Variants in NRXN3 observed in about 807,000 individuals in gnomAD.
NRXN3 encodes the protein neurexin III.
In NRXN3, 32 loss-of-function variants were observed where a neutral mutation model predicts 137.6. That is an observed-to-expected ratio of 0.23 (90% CI 0.18 to 0.31). The LOEUF (loss-of-function observed/expected upper bound fraction) is 0.31, where lower values mean the gene tolerates loss of function less well. Ranked by LOEUF, NRXN3 falls within the 10% of genes least tolerant of loss-of-function variation. The probability of loss-of-function intolerance (pLI) is 1.00; values close to 1 mark genes in which losing one functional copy is unlikely to be tolerated. For synonymous variants in NRXN3, 798 were observed against 784.5 expected, an observed-to-expected ratio of 1.02 and a Z score of -0.29; for missense variants, 1,574 against 2,062.5, an observed-to-expected ratio of 0.76 and a Z score of 4.59.
At chr14:78,409,971 T>C (rs143012907) in intron 4 of NRXN3, among the ~76,000 whole-genome samples, 1 of 152,330 alleles carries the variant, frequency 6.6e-6, no homozygotes, top group East Asian at 1.9e-4. Context: ...GTTCTCTTCT[T>C]TGAACTTAGT....
intron 15 of NRXN3, among the ~76,000 whole-genome samples, chr14:79,451,737 C>T (rs1412961843): frequency 1.3e-5 from 2 of 152,218 alleles, no homozygotes; most frequent in Non-Finnish European, 2.9e-5. Context: ...TGGCCCTTTG[C>T]ATTCTGCTGC....
At chr14:79,193,979 T>A (rs542709239) in intron 15 of NRXN3, among the ~76,000 whole-genome samples, 7 of 152,320 alleles carry the variant, frequency 4.6e-5, no homozygotes, top group Middle Eastern at 3.4e-3. Context: ...ATAATAGAAA[T>A]AACTATTTGA....
chr14:78,337,920 A>C (rs1055483622), intron 4 of NRXN3, among the ~76,000 whole-genome samples: 1 of 152,194 alleles, frequency 6.6e-6, no homozygotes, highest in African/African-American at 2.4e-5. Flanking sequence ...CCTGAGGGTC[A>C]TGACTGACTC....
intron 15 of NRXN3, among the ~76,000 whole-genome samples, chr14:79,160,362 C>T (rs1363705757): frequency 1.3e-5 from 2 of 151,938 alleles, no homozygotes; most frequent in Non-Finnish European, 2.9e-5. Context: ...TTAGTCCATT[C>T]TATGTAGTGC....
chr14:79,861,936 A>G lies in NRXN3; in HGVS notation c.4688A>G (p.Lys1563Arg), dbSNP rs2141966617. ...QSSKSGHKKQ[K>R]NKDREYYV ...TCGAAGAGCGGCCACAAGAAACAGAAAAACAAGGACAGGGAGTATTACGTG... is the reference window on the plus strand; with the variant it reads ...TCGAAGAGCGGCCACAAGAAACAGAGAAACAAGGACAGGGAGTATTACGTG... Residue 1563 changes from lysine to arginine, a missense_variant, in exon 21 of 21, where the codon AAA becomes AGA. By Grantham distance (26) the Lys-to-Arg change is conservative. Around this residue, in one of 5 missense-constraint regions of NRXN3, gnomAD observed 320 missense variants for 387.1 expected, o/e 0.83. Coordinates refer to ENST00000335750, the MANE Select transcript of NRXN3 (RefSeq NM_001330195.2). This position sits in a 1 kb window ranked among gnomAD's most constrained non-coding sequence, Gnocchi z 5.4. 1 of 1,613,618 alleles carries G rather than the reference A, an allele frequency of 6.2e-7. No individual in the cohort carries two copies. Among genetic ancestry groups the G allele is most frequent in the Middle Eastern group, 1.6e-4 (1 of 6,062 alleles).
intron 4 of NRXN3, among the ~76,000 whole-genome samples, chr14:78,538,045 A>T (rs987916049): frequency 5.9e-5 from 9 of 152,178 alleles, no homozygotes; most frequent in African/African-American, 9.7e-5. Flanking sequence ...AGGTAGCATG[A>T]TGCTTCCAGC....
At chr14:79,547,581 CA>C (rs2097332550) in intron 16 of NRXN3, among the ~76,000 whole-genome samples, 1 of 152,024 alleles carries the variant, frequency 6.6e-6, no homozygotes, top group Non-Finnish European at 1.5e-5. Context: ...CTCTTCTCTC[CA>C]AGGAATTTGG....
chr14:79,800,330 T>A (rs2099174073), intron 19 of NRXN3, among the ~76,000 whole-genome samples: 1 of 152,190 alleles, frequency 6.6e-6, no homozygotes, highest in Admixed American at 6.5e-5. Flanking sequence ...ACTACAAGTG[T>A]TTATACCCTT....
chr14:79,042,749 G>A (rs1202888831), intron 15 of NRXN3, among the ~76,000 whole-genome samples: 1 of 152,174 alleles, frequency 6.6e-6, no homozygotes, highest in African/African-American at 2.4e-5. Flanking sequence ...TTTGTGATGG[G>A]AGTAGCTAAC....
chr14:79,146,485 T>C (rs73326709), intron 15 of NRXN3, among the ~76,000 whole-genome samples: 1,738 of 152,074 alleles, frequency 0.011, 31 homozygotes, highest in African/African-American at 0.039. Context: ...AGTTATAATA[T>C]CTGATAAGAT....
intron 4 of NRXN3, among the ~76,000 whole-genome samples, chr14:78,560,037 TTGTC>T (rs1264134538): frequency 6.6e-6 from 1 of 152,200 alleles, no homozygotes; most frequent in Non-Finnish European, 1.5e-5. Context: ...CTGAAATAAA[TTGTC>T]TGATCTCTCG....
chr14:79,668,112 T>C (rs2098578277), intron 17 of NRXN3, among the ~76,000 whole-genome samples: 1 of 152,062 alleles, frequency 6.6e-6, no homozygotes, highest in Non-Finnish European at 1.5e-5. Flanking sequence ...GTCTTTAAAA[T>C]GCACACGGAT....
chr14:78,664,740 A>AAC (rs2097867758), intron 6 of NRXN3, among the ~76,000 whole-genome samples: 1 of 152,246 alleles, frequency 6.6e-6, no homozygotes, highest in Admixed American at 6.5e-5. Flanking sequence ...ATTGCACTTT[A>AAC]ACATGCACTG....
At chr14:78,791,800 C>G (rs968091440) in intron 8 of NRXN3, among the ~76,000 whole-genome samples, 1 of 152,148 alleles carries the variant, frequency 6.6e-6, no homozygotes, top group African/African-American at 2.4e-5. Flanking sequence ...TGAAGCTTAC[C>G]CATAGCCTTG....
intron 15 of NRXN3, among the ~76,000 whole-genome samples, chr14:79,290,168 A>G (rs1445100687): frequency 6.6e-6 from 1 of 152,186 alleles, no homozygotes; most frequent in Non-Finnish European, 1.5e-5. Context: ...TTTGCTACAT[A>G]AAAAACTAAT....
At chr14:79,436,188 A>G (rs1054796954) in intron 15 of NRXN3, among the ~76,000 whole-genome samples, 1 of 152,202 alleles carries the variant, frequency 6.6e-6, no homozygotes, top group African/African-American at 2.4e-5. Flanking sequence ...CCTTTATAAT[A>G]AAGACCATTT....
At position 78,646,470 on chromosome 14, in the gene NRXN3, A is replaced by G. The variant is rs117016496; in HGVS notation, c.1059+1049A>G. Among the ~76,000 whole-genome samples the G allele has an allele frequency of 4.9e-3, 743 of 152,286 alleles. 2 individuals are homozygous for G. Among genetic ancestry groups the G allele is most frequent in the Admixed American group, 6.3e-3 (96 of 15,302 alleles). On this transcript the variant is annotated intron_variant, in intron 5 of 20. Coordinates refer to ENST00000335750, the MANE Select transcript of NRXN3 (RefSeq NM_001330195.2). ...AGTGCTTATCAAAAAGTGCTTACCA[A>G]ATTTTCTTCTGCCACATGATTGATT...
chr14:79,754,041 C>T (rs959740145), intron 19 of NRXN3, among the ~76,000 whole-genome samples: 1 of 151,872 alleles, frequency 6.6e-6, no homozygotes, highest in Admixed American at 6.6e-5. Flanking sequence ...AGTACACAGG[C>T]ATGGGGGCAG....
chr14:78,674,325 T>A (rs1388410676), intron 6 of NRXN3, among the ~76,000 whole-genome samples: 1 of 152,220 alleles, frequency 6.6e-6, no homozygotes, highest in African/African-American at 2.4e-5. Context: ...AGGCACTGAT[T>A]ATTCTGCAAA....
Sources: allele counts gnomAD v4.1 joint callset (sites outside exome capture counted in the v4.1 genomes callset), GRCh38; gene constraint gnomAD v4.1.1; regional missense constraint gnomAD v4.1.1; non-coding constraint Gnocchi (gnomAD v3.1); transcripts MANE v1.5; gene names NCBI Gene and HGNC (gene_info 2026-07-23, HGNC 2026-07-21).